The following DENND1A variants were observed in gnomAD, a reference collection of about 807,000 sequenced individuals.
DENND1A encodes DENN domain containing 1A.
Under a neutral mutation model 113.7 loss-of-function variants are expected in DENND1A, and 51 were observed. The ratio of observed to expected loss-of-function variants is 0.45; its 90% CI spans 0.36 to 0.57. DENND1A has a LOEUF of 0.57. Among genes scored for constraint, DENND1A ranks in the 20% least tolerant of loss-of-function variants. The pLI is 0.00. For synonymous variants in DENND1A, 565 were observed against 570.8 expected, an observed-to-expected ratio of 0.99 and a Z score of 0.14; for missense variants, 1,258 against 1,395.9, an observed-to-expected ratio of 0.90 and a Z score of 1.57.
chr9:123,874,378 C>T (rs956285503), intron 2 of DENND1A, among the ~76,000 whole-genome samples: 2 of 151,878 alleles, frequency 1.3e-5, no homozygotes, highest in Admixed American at 6.6e-5. Flanking sequence ...AGTATATAAA[C>T]AATTTCTTAT....
intron 5 of DENND1A, among the ~76,000 whole-genome samples, chr9:123,740,548 G>A (rs1314263771): frequency 6.6e-6 from 1 of 152,014 alleles, no homozygotes; most frequent in Non-Finnish European, 1.5e-5. Context: ...CCCTTTGATA[G>A]AGAGCAGGAG....
intron 5 of DENND1A, among the ~76,000 whole-genome samples, chr9:123,755,106 T>C (rs2070405639): frequency 6.6e-6 from 1 of 150,982 alleles, no homozygotes; most frequent in East Asian, 1.9e-4. Context: ...GCTGCTGAGG[T>C]CCAGTTATAC....
chr9:123,549,223 C>A (rs1405253901), intron 13 of DENND1A, among the ~76,000 whole-genome samples: 1 of 152,142 alleles, frequency 6.6e-6, no homozygotes, highest in Non-Finnish European at 1.5e-5. Flanking sequence ...TCAGTCCCTT[C>A]CAGGCGTCAT....
chr9:123,678,729 T>C (rs1285856651), intron 5 of DENND1A, among the ~76,000 whole-genome samples: 1 of 152,256 alleles, frequency 6.6e-6, no homozygotes, highest in Non-Finnish European at 1.5e-5. Flanking sequence ...GATAAGCAAC[T>C]TAACTTTTCA....
rs1273751595 is a variant in DENND1A at position 123,583,185 on chromosome 9, C to T, written c.851G>A (p.Ser284Asn). The T allele has an allele frequency of 1.9e-6, 3 of 1,612,776 alleles. No homozygotes were observed. The highest frequency in any genetic ancestry group is 2.2e-5 in the South Asian group (2 of 90,850). ...ATTACCTACCACGTCGTTTGGGAGGCTCTGGAGGTCATCGAAGGGGGTTTC... is the reference window on the plus strand; with the variant it reads ...ATTACCTACCACGTCGTTTGGGAGGTTCTGGAGGTCATCGAAGGGGGTTTC... Reference protein sequence around the residue: ...TLETPFDDLQSLPNDVISSLK... With the variant: ...TLETPFDDLQNLPNDVISSLK... Residue 284 changes from serine to asparagine, a missense_variant, in exon 12 of 24, where the codon AGC becomes AAC. By Grantham distance (46) the Ser-to-Asn change is conservative (BLOSUM62 1). Around this residue, in one of 2 missense-constraint regions of DENND1A, gnomAD observed 1,159 missense variants for 1,231.7 expected, o/e 0.94. Coordinates refer to ENST00000394215, the MANE Select transcript of DENND1A (RefSeq NM_001352964.2).
At chr9:123,706,770 CAAAAAAAAAAAA>C (rs575483682) in intron 5 of DENND1A, among the ~76,000 whole-genome samples, 8 of 53,542 alleles carry the variant, frequency 1.5e-4, no homozygotes, top group Admixed American at 1.1e-3. Context: ...GACTCCGTCT[CAAAAAAAAAAAA>C]AAAAAAAAAA....
chr9:123,830,390 C>T (rs1176035020), intron 2 of DENND1A, among the ~76,000 whole-genome samples: 1 of 151,988 alleles, frequency 6.6e-6, no homozygotes, highest in African/African-American at 2.4e-5. Flanking sequence ...GGAAACTGAG[C>T]TACATCTTGA....
At chr9:123,402,233 C>T (rs897785289) in intron 21 of DENND1A, among the ~76,000 whole-genome samples, 15 of 138,044 alleles carry the variant, frequency 1.1e-4, no homozygotes, top group African/African-American at 2.3e-4. Flanking sequence ...TGTGTGCAAG[C>T]GCACACGTGC....
At chr9:123,798,554 A>G (rs564546668) in intron 2 of DENND1A, 9 of 152,258 alleles carry the variant, frequency 5.9e-5, no homozygotes, top group African/African-American at 1.9e-4. Flanking sequence ...TTTAACCAGC[A>G]AATGCCACTA....
chr9:123,462,264 A>G (rs2048587592), intron 13 of DENND1A, among the ~76,000 whole-genome samples: 1 of 152,254 alleles, frequency 6.6e-6, no homozygotes, highest in Non-Finnish European at 1.5e-5. Context: ...TCTTTTTAAC[A>G]TTCTGGAAAC....
intron 10 of DENND1A, among the ~76,000 whole-genome samples, 174 bp from the exon 11 acceptor site, chr9:123,609,655 A>T (rs1216988904): frequency 6.6e-6 from 1 of 152,248 alleles, no homozygotes; most frequent in Admixed American, 6.5e-5. Flanking sequence ...TAGAAACTTC[A>T]GAAGAATTTC....
At chr9:123,449,355 C>T (rs565699650) in intron 18 of DENND1A, among the ~76,000 whole-genome samples, 7 of 152,138 alleles carry the variant, frequency 4.6e-5, no homozygotes, top group African/African-American at 1.4e-4. Context: ...GCCAACATGG[C>T]GAAACCCCGT....
intron 2 of DENND1A, among the ~76,000 whole-genome samples, chr9:123,802,539 T>C (rs1834857381): frequency 0.013 from 1 of 76 alleles, no homozygotes; most frequent in East Asian, 0.25. Flanking sequence ...GGTCACACCC[T>C]AAACTCTACC....
intron 13 of DENND1A, among the ~76,000 whole-genome samples, chr9:123,526,121 C>T (rs2054817856): frequency 6.6e-6 from 1 of 151,984 alleles, no homozygotes; most frequent in Admixed American, 6.6e-5. Context: ...TCCCTCTATG[C>T]CAGTATCACT....
intron 9 of DENND1A, among the ~76,000 whole-genome samples, chr9:123,647,080 T>C (rs1024217959): frequency 1.3e-5 from 2 of 152,232 alleles, no homozygotes; most frequent in African/African-American, 4.8e-5. Flanking sequence ...TGATTCTTAA[T>C]CTTTGTACAA....
chr9:123,495,842 C>A (rs962534003), intron 13 of DENND1A, among the ~76,000 whole-genome samples: 2 of 152,214 alleles, frequency 1.3e-5, no homozygotes, highest in Non-Finnish European at 2.9e-5. Context: ...CCAATAAGGG[C>A]ACCATTGTTC....
chr9:123,516,343 T>C (rs994633150), intron 13 of DENND1A, among the ~76,000 whole-genome samples: 1 of 151,750 alleles, frequency 6.6e-6, no homozygotes, highest in African/African-American at 2.4e-5. Context: ...AGGTTAATAC[T>C]AAAAAATATA....
chr9:123,577,080 C>T (rs2058674810), intron 12 of DENND1A, among the ~76,000 whole-genome samples: 1 of 152,128 alleles, frequency 6.6e-6, no homozygotes, highest in Non-Finnish European at 1.5e-5. Flanking sequence ...TCTTTCCTCA[C>T]CTTCCTTACC....
chr9:123,467,651 G>A lies in DENND1A; in HGVS notation c.994-9754C>T, dbSNP rs373217246. ...GCGTGGGCAACAAGAGAGAAACTCC[G>A]TCTTGAAACAAAACAAACAAAACAT... On this transcript the variant is annotated intron_variant, in intron 13 of 23. Coordinates refer to ENST00000394215, the MANE Select transcript of DENND1A (RefSeq NM_001352964.2). 4.6e-5 allele frequency among the ~76,000 whole-genome samples: 7 copies of A among 152,228 alleles called. No homozygotes were observed. The East Asian group carries it at 7.7e-4, about 17-fold the overall frequency.
Sources: gnomAD v4.1 joint callset for allele counts (sites outside exome capture counted in the v4.1 genomes callset) on GRCh38, gnomAD v4.1.1 for gene constraint, gnomAD v4.1.1 regional missense constraint, MANE v1.5 for transcripts, NCBI Gene and HGNC (gene_info 2026-07-23, HGNC 2026-07-21) for gene names.